MREG: variants seen among roughly 807,000 people sequenced by gnomAD.
The protein encoded by MREG is melanoregulin.
A neutral mutation model predicts 28.5 loss-of-function variants in MREG; 31 were observed. The observed-to-expected ratio is 1.09, with a 90% CI of 0.82 to 1.47. The LOEUF (loss-of-function observed/expected upper bound fraction) is 1.47, where lower values mean the gene tolerates loss of function less well. Ranked by LOEUF, MREG falls within the 40% of genes most tolerant of loss-of-function variation. MREG has a pLI of 0.00. For synonymous variants in MREG, 106 were observed against 95.2 expected (o/e 1.11, Z -0.66); for missense variants, 256 against 257.4 (o/e 0.99, Z 0.04).
intron 2 of MREG, among the ~76,000 whole-genome samples, chr2:215,966,501 T>C (rs1692943329): frequency 6.6e-6 from 1 of 152,210 alleles, no homozygotes; most frequent in South Asian, 2.1e-4. Context: ...ACACTGACAC[T>C]TTAATAAAAG....
rs761831379 is a variant in MREG, at chr2:215,943,374, GAGA to G, written c.*1486_*1488del. 22 of 456,398 alleles carry G rather than the reference GAGA, an allele frequency of 4.8e-5. No individual in the cohort carries two copies. The highest frequency in any genetic ancestry group is 7.9e-5 in the Non-Finnish European group (18 of 226,880). The allele number at this position is 456,398 out of a possible 1,614,324, so 28.3% of individuals were successfully genotyped here. On this transcript the variant is annotated 3_prime_UTR_variant, in exon 5 of 5. Coordinates refer to ENST00000263268, the MANE Select transcript of MREG (RefSeq NM_018000.3). ...TCCCTTTTGAAAATTATCTTCTGAA[GAGA>G]AGAAGGTCCAGCAAAGATCTTCAGT...
chr2:215,978,032 A>C (rs1407386732), intron 2 of MREG, among the ~76,000 whole-genome samples: 1 of 152,200 alleles, frequency 6.6e-6, no homozygotes, highest in Admixed American at 6.5e-5. Context: ...ACTTAAAATC[A>C]GAGCAGAATT....
chr2:215,986,203 G>T (rs1693566799), intron 2 of MREG, among the ~76,000 whole-genome samples: 1 of 152,096 alleles, frequency 6.6e-6, no homozygotes, highest in Non-Finnish European at 1.5e-5. Flanking sequence ...TATTTATTTA[G>T]CTGGCATATT....
chr2:216,022,310 A>C (rs1277510463), intron 1 of MREG, among the ~76,000 whole-genome samples: 1 of 152,086 alleles, frequency 6.6e-6, no homozygotes, highest in Non-Finnish European at 1.5e-5. Flanking sequence ...CCAAAAATAG[A>C]AAATTATGGA....
intron 1 of MREG, among the ~76,000 whole-genome samples, chr2:216,025,580 G>A (rs536532491): frequency 2.0e-5 from 3 of 152,274 alleles, no homozygotes; most frequent in Non-Finnish European, 4.4e-5. Context: ...CTCTGAGTCA[G>A]TCAGTAAGCG....
At chr2:216,021,771 G>A (rs988064034) in intron 1 of MREG, among the ~76,000 whole-genome samples, 4 of 152,182 alleles carry the variant, frequency 2.6e-5, no homozygotes, top group Non-Finnish European at 4.4e-5. Context: ...GAAGCACTGC[G>A]TAAACGTTAG....
intron 2 of MREG, among the ~76,000 whole-genome samples, chr2:215,947,353 ACT>A (rs1274904875): frequency 3.3e-5 from 5 of 152,180 alleles, no homozygotes; most frequent in African/African-American, 4.8e-5. Context: ...TCTTACTGAA[ACT>A]CTTCATATTA....
At chr2:215,967,963 T>C (rs1040629147) in intron 2 of MREG, among the ~76,000 whole-genome samples, 3 of 152,176 alleles carry the variant, frequency 2.0e-5, no homozygotes, top group Non-Finnish European at 1.5e-5. Context: ...ATGAATGAGG[T>C]CTGGCATGAA....
chr2:216,001,141 A>T (rs1317806523), intron 1 of MREG, among the ~76,000 whole-genome samples: 1 of 151,772 alleles, frequency 6.6e-6, no homozygotes, highest in Non-Finnish European at 1.5e-5. Flanking sequence ...CTCGCTTATC[A>T]CATCCATCCA....
chr2:216,030,946 TCTCTCTCTCTCACA>T (rs1272179811), intron 1 of MREG, among the ~76,000 whole-genome samples: 34 of 89,298 alleles, frequency 3.8e-4, no homozygotes, highest in South Asian at 2.3e-3. Flanking sequence ...TCTCTCTCTC[TCTCTCTCTCTCACA>T]CACACACACA....
At chr2:215,982,360 A>G (rs1204251457) in intron 2 of MREG, among the ~76,000 whole-genome samples, 1 of 152,216 alleles carries the variant, frequency 6.6e-6, no homozygotes, top group African/African-American at 2.4e-5. Flanking sequence ...AAAAGAAAAA[A>G]GAAACATTGA....
chr2:215,959,073 T>C (rs1692712085), intron 2 of MREG, among the ~76,000 whole-genome samples: 1 of 152,084 alleles, frequency 6.6e-6, no homozygotes, highest in Admixed American at 6.6e-5. Flanking sequence ...CTCAGCTCTC[T>C]TCCCTCTGCT....
chr2:215,963,817 C>T (rs529299992), intron 2 of MREG, among the ~76,000 whole-genome samples: 90 of 152,128 alleles, frequency 5.9e-4, no homozygotes, highest in African/African-American at 2.0e-3. Flanking sequence ...TACAAAAATG[C>T]TTTCATACCC....
At chr2:216,005,861 A>AT (rs1553555104) in intron 1 of MREG, among the ~76,000 whole-genome samples, 1 of 146,370 alleles carries the variant, frequency 6.8e-6, no homozygotes, top group Non-Finnish European at 1.5e-5. Flanking sequence ...AAAAAAAAAA[A>AT]GCTAAGTAAG....
At chr2:215,979,475 ATAATAATAATAATAATAAT>A (rs1559184974) in intron 2 of MREG, among the ~76,000 whole-genome samples, 3 of 119,100 alleles carry the variant, frequency 2.5e-5, no homozygotes. Flanking sequence ...AAAAATAATA[ATAATAATAATAATAATAAT>A]AATAATAATA....
chr2:216,012,082 T>A (rs1694326434), intron 1 of MREG, among the ~76,000 whole-genome samples: 1 of 152,174 alleles, frequency 6.6e-6, no homozygotes, highest in Admixed American at 6.5e-5. Flanking sequence ...GAGGAGTAGA[T>A]GGTAATTTCT....
chr2:215,958,654 T>C (rs1456854864), intron 2 of MREG, among the ~76,000 whole-genome samples: 1 of 152,094 alleles, frequency 6.6e-6, no homozygotes, highest in Non-Finnish European at 1.5e-5. Context: ...CTTCCTCCTA[T>C]CCCCTGATCA....
chr2:216,020,961 G>A (rs1203891742), intron 1 of MREG, among the ~76,000 whole-genome samples: 2 of 152,210 alleles, frequency 1.3e-5, no homozygotes, highest in African/African-American at 2.4e-5. Context: ...TTCACTGAAT[G>A]TAAAGGGACT....
At chr2:215,997,752 G>A (rs1478990906) in intron 1 of MREG, among the ~76,000 whole-genome samples, 1 of 152,180 alleles carries the variant, frequency 6.6e-6, no homozygotes, top group Non-Finnish European at 1.5e-5. Context: ...AAGAGGTGCT[G>A]GAGCTTTAAG....
Sources: gnomAD v4.1 joint callset for allele counts (sites outside exome capture counted in the v4.1 genomes callset) on GRCh38, gnomAD v4.1.1 for gene constraint, MANE v1.5 for transcripts, NCBI Gene and HGNC (gene_info 2026-07-23, HGNC 2026-07-21) for gene names.